Variants in DERL1 observed in about 807,000 individuals in gnomAD.
The protein encoded by DERL1 is derlin-1.
Under a neutral mutation model 41.6 loss-of-function variants are expected in DERL1, and 24 were observed. The ratio of observed to expected loss-of-function variants is 0.58; its 90% CI spans 0.42 to 0.81. The LOEUF is 0.81. Among genes scored for constraint, DERL1 ranks in the 30% least tolerant of loss-of-function variants. The pLI, the probability that DERL1 is intolerant of heterozygous loss-of-function variation, is 0.00. For missense variants in DERL1, 260 were observed against 314.3 expected, an observed-to-expected ratio of 0.83 and a Z score of 1.31; for synonymous variants, 124 against 112.5, an observed-to-expected ratio of 1.10 and a Z score of -0.65.
intron 1 of DERL1, among the ~76,000 whole-genome samples, chr8:123,038,893 C>T (rs1014149601): frequency 1.3e-5 from 2 of 152,188 alleles, no homozygotes; most frequent in Non-Finnish European, 2.9e-5. Context: ...CCCTTGGCCT[C>T]GCCACATGGA....
chr8:123,014,901 A>G lies in DERL1; in HGVS notation c.*546T>C, dbSNP rs1418917833. The G allele has an allele frequency of 6.6e-6, 1 of 152,212 alleles. No individual in the cohort carries two copies. Among genetic ancestry groups the G allele is most frequent in the Non-Finnish European group, 1.5e-5 (1 of 68,054 alleles). The allele number at this position is 152,212 out of a possible 1,614,324, so 9.4% of individuals were successfully genotyped here. On this transcript the variant is annotated 3_prime_UTR_variant, in exon 8 of 8. Coordinates refer to ENST00000259512, the MANE Select transcript of DERL1 (RefSeq NM_024295.6). ...CATCCGCTGCTTGTCTTCTCCCCCT[A>G]TTGCTACAGTTCTGCCACCAAAGGG...
intron 1 of DERL1, among the ~76,000 whole-genome samples, chr8:123,039,276 G>C (rs1812995036): frequency 6.6e-6 from 1 of 152,144 alleles, no homozygotes; most frequent in African/African-American, 2.4e-5. Flanking sequence ...CCACAGAATA[G>C]TCGGGGCAAT....
chr8:123,030,365 A>G (rs1812796143), intron 2 of DERL1: 1 of 348,174 alleles, frequency 2.9e-6, no homozygotes, highest in African/African-American at 2.2e-5. Flanking sequence ...TCAACCTCTG[A>G]TCTGCTACTT....
At chr8:123,018,068 A>T (rs1363542714) in intron 7 of DERL1, 4 of 152,240 alleles carry the variant, frequency 2.6e-5, no homozygotes, top group Non-Finnish European at 5.9e-5. Flanking sequence ...TATAAAAGGA[A>T]GGGGAGAAAG....
At chr8:123,033,090 C>G (rs776951833) in intron 1 of DERL1, among the ~76,000 whole-genome samples, 7 of 151,850 alleles carry the variant, frequency 4.6e-5, no homozygotes, top group Non-Finnish European at 1.0e-4. Context: ...CTCAAACTAC[C>G]AGCCTCAAAT....
At chr8:123,020,585 T>C (rs1467121715) in intron 6 of DERL1, among the ~76,000 whole-genome samples, 2 of 151,900 alleles carry the variant, frequency 1.3e-5, no homozygotes, top group Non-Finnish European at 2.9e-5. Context: ...CTGGATAAAT[T>C]AAAGCTATTC....
chr8:123,015,438 G>T lies in DERL1; in HGVS notation c.*9C>A, dbSNP rs762580074. ...GGCTTGAGAGGAGCGGCTGCCCGAG[G>T]CCGCCCCTTCACTGGTCTCCAAGTC... On this transcript the variant is annotated 3_prime_UTR_variant, in exon 8 of 8. Coordinates refer to ENST00000259512, the MANE Select transcript of DERL1 (RefSeq NM_024295.6). The T allele has an allele frequency of 6.2e-7, 1 of 1,611,006 alleles. No homozygotes were observed. The highest frequency in any genetic ancestry group is 1.1e-5 in the South Asian group (1 of 90,246).
At chr8:123,035,578 G>A (rs770317830) in intron 1 of DERL1, among the ~76,000 whole-genome samples, 4 of 152,192 alleles carry the variant, frequency 2.6e-5, no homozygotes, top group Admixed American at 1.3e-4. Flanking sequence ...GAGAGGACTC[G>A]TGGGGGAGTA....
At chr8:123,024,938 G>A in intron 3 of DERL1, 48 bp downstream of exon 3, 2 of 1,593,206 alleles carry the variant, frequency 1.3e-6, no homozygotes, top group Non-Finnish European at 1.7e-6. Context: ...CCCAAACCTG[G>A]AAAAAAACTG....
At position 123,025,196 on chromosome 8, in the gene DERL1, A is replaced by T. The variant is rs561045360; in HGVS notation, c.266-146T>A. The T allele has an allele frequency of 1.4e-5, 10 of 738,994 alleles. No individual in the cohort carries two copies. The African/African-American group carries it at 1.6e-4, about 12-fold the overall frequency. 45.8% of individuals were successfully genotyped at this position (738,994 alleles called of 1,614,324 possible). A position where few individuals can be genotyped will look rare whatever the true frequency, so the allele number is the denominator to read the frequency against. Reference sequence around the variant, plus strand: ...TCCTCTCTAAAAAAGTGAATTTTTAAAAATATCTAAACAACGTCCCCAATA... The same window carrying T: ...TCCTCTCTAAAAAAGTGAATTTTTATAAATATCTAAACAACGTCCCCAATA... On this transcript the variant is annotated intron_variant, in intron 2 of 7. Transcript: ENST00000259512.
chr8:123,035,968 G>A (rs1005047641), intron 1 of DERL1, among the ~76,000 whole-genome samples: 5 of 152,128 alleles, frequency 3.3e-5, no homozygotes, highest in African/African-American at 9.7e-5. Context: ...GAGCACCTGT[G>A]TGACAAATGC....
intron 1 of DERL1, among the ~76,000 whole-genome samples, chr8:123,035,898 T>G (rs187484784): frequency 1.3e-5 from 2 of 151,944 alleles, no homozygotes; most frequent in African/African-American, 4.8e-5. Flanking sequence ...TTGTCTGAAA[T>G]AATAAGGATC....
chr8:123,041,940 G>GTC, intron 1 of DERL1, 30 bp downstream of exon 1: 9 of 1,579,862 alleles, frequency 5.7e-6, no homozygotes, highest in Non-Finnish European at 7.8e-6. Flanking sequence ...GGGGCCTGTA[G>GTC]TCTCCACGCC....
chr8:123,037,124 G>A (rs1812944030), intron 1 of DERL1, among the ~76,000 whole-genome samples: 1 of 152,022 alleles, frequency 6.6e-6, no homozygotes, highest in Admixed American at 6.6e-5. Flanking sequence ...ATAAAGTATT[G>A]GCTGATAAAT....
chr8:123,030,571 G>T (rs1212951902), intron 2 of DERL1, 34 bp downstream of exon 2: 1 of 1,449,502 alleles, frequency 6.9e-7, no homozygotes, highest in South Asian at 1.3e-5. Flanking sequence ...AAATGAGAAA[G>T]AAACAATGCT....
chr8:123,027,713 C>A (rs1050110503), intron 2 of DERL1, among the ~76,000 whole-genome samples: 1 of 151,998 alleles, frequency 6.6e-6, no homozygotes, highest in Non-Finnish European at 1.5e-5. Flanking sequence ...TATTACCTGA[C>A]CAGGTAATAG....
In DERL1 at chr8:123,015,412, T is replaced by A. The variant is rs571095281; in HGVS notation, c.*35A>T. 1.2e-6 allele frequency: 2 copies of A among 1,605,504 alleles called. No homozygotes were observed. Among genetic ancestry groups the A allele is most frequent in the East Asian group, 2.2e-5 (1 of 44,730 alleles). On this transcript the variant is annotated 3_prime_UTR_variant, in exon 8 of 8. Transcript: ENST00000259512. ...GTGCACCCAGCACTGGGAGGAAATG[T>A]GGCTTGAGAGGAGCGGCTGCCCGAG... is the stretch of plus-strand genomic sequence containing the variant.
chr8:123,015,393 C>G lies in DERL1; in HGVS notation c.*54G>C, dbSNP rs1199761154. Reference sequence around the variant, plus strand: ...GCCAGAACGCAGTTGTTAAGTGCACCCAGCACTGGGAGGAAATGTGGCTTG... The same window carrying G: ...GCCAGAACGCAGTTGTTAAGTGCACGCAGCACTGGGAGGAAATGTGGCTTG... On this transcript the variant is annotated 3_prime_UTR_variant, in exon 8 of 8. Transcript: ENST00000259512. 6.3e-7 allele frequency: 1 copy of G among 1,593,894 alleles called. No homozygotes were observed. The highest frequency in any genetic ancestry group is 8.6e-7 in the Non-Finnish European group (1 of 1,168,914).
intron 2 of DERL1, among the ~76,000 whole-genome samples, chr8:123,029,727 G>C (rs1812779349): frequency 6.6e-6 from 1 of 152,144 alleles, no homozygotes; most frequent in African/African-American, 2.4e-5. Context: ...AATTCAGTAA[G>C]ACACTTTTAC....
Sources: gnomAD v4.1 joint callset for allele counts (sites outside exome capture counted in the v4.1 genomes callset) on GRCh38, gnomAD v4.1.1 for gene constraint, MANE v1.5 for transcripts, NCBI Gene and HGNC (gene_info 2026-07-23, HGNC 2026-07-21) for gene names.